Variants in LRRC4C observed in about 807,000 individuals in gnomAD.
LRRC4C encodes leucine rich repeat containing 4C.
A neutral mutation model predicts 33.6 loss-of-function variants in LRRC4C; 5 were observed. The observed-to-expected ratio is 0.15, with a 90% confidence interval of 0.08 to 0.31. The LOEUF is 0.31. Ranked by LOEUF, LRRC4C falls within the 10% of genes least tolerant of loss-of-function variation. LRRC4C has a pLI of 1.00. For synonymous variants in LRRC4C, 329 were observed against 302.0 expected, an observed-to-expected ratio of 1.09 and a Z score of -0.93; for missense variants, 560 against 796.7, an observed-to-expected ratio of 0.70 and a Z score of 3.58.
chr11:40,607,118 T>A (rs1960697898), intron 3 of LRRC4C, among the ~76,000 whole-genome samples: 1 of 152,144 alleles, frequency 6.6e-6, no homozygotes, highest in Non-Finnish European at 1.5e-5. Context: ...AAATCATCCT[T>A]CAAAAATGAA....
At chr11:40,513,724 G>C (rs1427357264) in intron 3 of LRRC4C, among the ~76,000 whole-genome samples, 3 of 152,162 alleles carry the variant, frequency 2.0e-5, no homozygotes, top group African/African-American at 7.2e-5. Context: ...GGATAGAAGT[G>C]AGTTTTTTCT....
intron 2 of LRRC4C, among the ~76,000 whole-genome samples, chr11:40,819,283 T>C (rs1951827292): frequency 2.0e-5 from 3 of 152,038 alleles, no homozygotes; most frequent in African/African-American, 7.2e-5. Context: ...AATAACTAGT[T>C]CAACAATCTG....
At chr11:40,530,951 G>A (rs965334919) in intron 3 of LRRC4C, among the ~76,000 whole-genome samples, 1 of 151,964 alleles carries the variant, frequency 6.6e-6, no homozygotes, top group Non-Finnish European at 1.5e-5. Flanking sequence ...TCAGTAATTC[G>A]GTATTGTTAT....
intron 3 of LRRC4C, among the ~76,000 whole-genome samples, chr11:40,360,628 AG>A (rs1385546346): frequency 6.6e-6 from 1 of 152,152 alleles, no homozygotes; most frequent in African/African-American, 2.4e-5. Context: ...AGTCACATTG[AG>A]GCCAGGAGAG....
intron 5 of LRRC4C, 66 bp downstream of exon 5, chr11:40,241,453 T>C (rs535490709): frequency 2.2e-4 from 33 of 152,246 alleles, no homozygotes; most frequent in African/African-American, 7.9e-4. Flanking sequence ...TAAAAGATTA[T>C]CTAAGCCTAT....
At chr11:40,556,404 G>A (rs1957334533) in intron 3 of LRRC4C, among the ~76,000 whole-genome samples, 1 of 152,204 alleles carries the variant, frequency 6.6e-6, no homozygotes, top group Non-Finnish European at 1.5e-5. Context: ...GAGAAAGAGT[G>A]AGCTATAGGA....
At chr11:40,161,975 C>T (rs759257788) in intron 5 of LRRC4C, among the ~76,000 whole-genome samples, 10 of 152,106 alleles carry the variant, frequency 6.6e-5, no homozygotes, top group Non-Finnish European at 1.5e-4. Context: ...ATTTATTTCT[C>T]ACAGTCCTGG....
At chr11:40,394,571 C>T (rs1949463934) in intron 3 of LRRC4C, among the ~76,000 whole-genome samples, 1 of 152,088 alleles carries the variant, frequency 6.6e-6, no homozygotes, top group Non-Finnish European at 1.5e-5. Flanking sequence ...ACTGGACAAA[C>T]CCACAAAGTG....
rs554673792 is a variant in LRRC4C at position 41,287,990 on chromosome 11, T to G, written c.-496+171441A>C. On this transcript the variant is annotated intron_variant, in intron 1 of 6. Coordinates refer to ENST00000528697, the MANE Select transcript of LRRC4C (RefSeq NM_001258419.2). ...GCATGGGAGAGGTCTGCACCAGATG[T>G]GGGAGGTTCAGGACATATCCTAGGC... is the stretch of plus-strand genomic sequence containing the variant. 2.4e-4 allele frequency among the ~76,000 whole-genome samples: 36 copies of G among 152,302 alleles called. No individual in the cohort carries two copies. The East Asian group carries it at 6.4e-3, about 27-fold the overall frequency.
chr11:40,184,374 C>T (rs929146347), intron 5 of LRRC4C, among the ~76,000 whole-genome samples: 1 of 152,044 alleles, frequency 6.6e-6, no homozygotes, highest in Non-Finnish European at 1.5e-5. Context: ...ATCCTTACCA[C>T]AAATTGTCTC....
At chr11:40,796,254 T>C (rs1329331177) in intron 2 of LRRC4C, among the ~76,000 whole-genome samples, 1 of 152,166 alleles carries the variant, frequency 6.6e-6, no homozygotes, top group Non-Finnish European at 1.5e-5. Flanking sequence ...AAATGTCTCA[T>C]CTCCGAAAGA....
chr11:41,413,326 G>A (rs986058199), intron 1 of LRRC4C, among the ~76,000 whole-genome samples: 2 of 152,142 alleles, frequency 1.3e-5, no homozygotes, highest in Admixed American at 6.5e-5. Context: ...TTTTTGTAAA[G>A]TAGGGTTAAT....
chr11:40,581,213 A>G lies in LRRC4C; in HGVS notation c.-270+66929T>C, dbSNP rs568551184. 8.9e-4 allele frequency among the ~76,000 whole-genome samples: 135 copies of G among 152,352 alleles called. 4 individuals carry two copies. The South Asian group carries it at 0.027, about 30-fold the overall frequency. On this transcript the variant is annotated intron_variant, in intron 3 of 6. Transcript: ENST00000528697. ...ATCGAATGTCAACATGTTCAACTAT[A>G]GAAGCTCCAGTGAAAACCATAACTC...
chr11:41,311,172 T>C (rs1342311858), intron 1 of LRRC4C, among the ~76,000 whole-genome samples: 1 of 152,240 alleles, frequency 6.6e-6, no homozygotes, highest in African/African-American at 2.4e-5. Flanking sequence ...AGTGAAGCTA[T>C]GCCGTGCATT....
At chr11:40,846,694 G>A (rs2135704337) in intron 2 of LRRC4C, among the ~76,000 whole-genome samples, 1 of 152,244 alleles carries the variant, frequency 6.6e-6, no homozygotes, top group Non-Finnish European at 1.5e-5. Flanking sequence ...ATTCTGTGAA[G>A]AAAGTCAATG....
At chr11:41,379,413 G>A (rs976221596) in intron 1 of LRRC4C, among the ~76,000 whole-genome samples, 7 of 152,118 alleles carry the variant, frequency 4.6e-5, no homozygotes, top group Admixed American at 2.0e-4. Flanking sequence ...AATTTCACAA[G>A]CCAACAGGAG....
chr11:41,187,707 T>C (rs1255729256), intron 1 of LRRC4C, among the ~76,000 whole-genome samples: 2 of 152,190 alleles, frequency 1.3e-5, no homozygotes, highest in Non-Finnish European at 2.9e-5. Context: ...CACCTACAGA[T>C]GGCAAAACTA....
chr11:40,653,399 A>T (rs531363355), intron 2 of LRRC4C, among the ~76,000 whole-genome samples: 4 of 152,188 alleles, frequency 2.6e-5, no homozygotes, highest in Non-Finnish European at 4.4e-5. Context: ...ACTTGTTGGG[A>T]ACTGTGGTAA....
intron 3 of LRRC4C, among the ~76,000 whole-genome samples, chr11:40,507,690 A>T (rs1955099615): frequency 1.3e-5 from 2 of 152,076 alleles, no homozygotes. Context: ...AATATTGGCA[A>T]CTATACTGGA....
Sources: allele counts gnomAD v4.1 joint callset (sites outside exome capture counted in the v4.1 genomes callset), GRCh38; gene constraint gnomAD v4.1.1; transcripts MANE v1.5; gene names NCBI Gene and HGNC (gene_info 2026-07-23, HGNC 2026-07-21).